The following MYO1D variants were observed in gnomAD, a reference collection of about 807,000 sequenced individuals.
MYO1D encodes the protein unconventional myosin-Id.
MYO1D carries 83 observed loss-of-function variants against 122.0 expected under a neutral mutation model. That is an observed-to-expected ratio of 0.68 (90% CI 0.57 to 0.82). MYO1D has a LOEUF of 0.82. Ranked by LOEUF, MYO1D falls within the 40% of genes least tolerant of loss-of-function variation. MYO1D has a pLI of 0.00. For missense variants in MYO1D, 1,157 were observed against 1,269.5 expected (o/e 0.91, Z 1.35); for synonymous variants, 464 against 446.9 (o/e 1.04, Z -0.48).
At chr17:32,803,629 A>G (rs2090479648) in intron 1 of MYO1D, among the ~76,000 whole-genome samples, 1 of 152,220 alleles carries the variant, frequency 6.6e-6, no homozygotes, top group Admixed American at 6.5e-5. Flanking sequence ...ATTTCTGGTC[A>G]TGACTAATCT....
At position 32,780,739 on chromosome 17, in the gene MYO1D, A is replaced by G. The variant is rs2090228019; in HGVS notation, c.141T>C (p.Val47=). 2 of 1,614,070 alleles carry G rather than the reference A, an allele frequency of 1.2e-6. No homozygotes were observed. Among genetic ancestry groups the G allele is most frequent in the Non-Finnish European group, 1.7e-6 (2 of 1,180,030 alleles). ...TCAACAACTTGTAAGGGTTCACAGAAACGACGACTTCTCCAATGAACGTAT... is the reference window on the plus strand; with the variant it reads ...TCAACAACTTGTAAGGGTTCACAGAGACGACGACTTCTCCAATGAACGTAT... The part of the protein sequence containing the change: ...RIYTFIGEVV[V]SVNPYKLLNI... Residue 47 remains valine, a synonymous_variant, in exon 2 of 22, where the codon GTT becomes GTC. Coordinates refer to ENST00000318217, the MANE Select transcript of MYO1D (RefSeq NM_015194.3).
chr17:32,740,414 A>T (rs965416743), intron 13 of MYO1D, among the ~76,000 whole-genome samples: 2 of 152,230 alleles, frequency 1.3e-5, no homozygotes, highest in South Asian at 4.1e-4. Context: ...TTGATACAAA[A>T]TGAATCCAAA....
In MYO1D at chr17:32,804,240, T is replaced by C. The variant is rs187179992; in HGVS notation, c.96-23456A>G. Among the ~76,000 whole-genome samples the C allele has an allele frequency of 2.8e-3, 421 of 152,270 alleles. 4 individuals carry two copies. The highest frequency in any genetic ancestry group is 8.8e-3 in the African/African-American group (364 of 41,544). On this transcript the variant is annotated intron_variant, in intron 1 of 21. Coordinates refer to ENST00000318217, the MANE Select transcript of MYO1D (RefSeq NM_015194.3). ...GTTGTTATACTATATTTTGGGGGAATGATGACCCAAAAAAGTCTGTACATG... is the reference window on the plus strand; with the variant it reads ...GTTGTTATACTATATTTTGGGGGAACGATGACCCAAAAAAGTCTGTACATG...
At chr17:32,641,019 T>C (rs868829434) in intron 19 of MYO1D, among the ~76,000 whole-genome samples, 22 of 152,020 alleles carry the variant, frequency 1.4e-4, no homozygotes, top group African/African-American at 5.1e-4. Context: ...ACCTGCCATG[T>C]TGGTGTGCTG....
intron 15 of MYO1D, among the ~76,000 whole-genome samples, chr17:32,719,512 G>A (rs1375157438): frequency 4.6e-5 from 7 of 151,800 alleles, no homozygotes; most frequent in Admixed American, 1.3e-4. Flanking sequence ...CACCACGCCC[G>A]GCTAATTTTT....
intron 20 of MYO1D, among the ~76,000 whole-genome samples, chr17:32,614,072 ATTT>A (rs527897976): frequency 7.6e-4 from 96 of 126,594 alleles, no homozygotes; most frequent in Middle Eastern, 4.1e-3. Context: ...TAATGTTTTA[ATTT>A]TTTTTTTTTT....
At position 32,514,235 on chromosome 17, in the gene MYO1D, G is replaced by C. The variant is rs369837134; in HGVS notation, c.2865-19320C>G. Among the ~76,000 whole-genome samples, 80 of 67,902 alleles carry C rather than the reference G, an allele frequency of 1.2e-3. 1 individual carries two copies. The highest frequency in any genetic ancestry group is 0.02 in the Middle Eastern group (1 of 50). The allele number at this position is 67,902 out of a possible 152,430, so 44.5% of individuals were successfully genotyped here. A position where few individuals can be genotyped will look rare whatever the true frequency, so the allele number is the denominator to read the frequency against. On this transcript the variant is annotated intron_variant, in intron 21 of 21. Coordinates refer to ENST00000318217, the MANE Select transcript of MYO1D (RefSeq NM_015194.3). ...AGCCTGGGCGACAGAGCAAGACTTT[G>C]TCTCAAAAAAAAAAAAAAAAAAAAA...
At chr17:32,642,423 T>C (rs1433855641) in intron 19 of MYO1D, among the ~76,000 whole-genome samples, 1 of 152,236 alleles carries the variant, frequency 6.6e-6, no homozygotes, top group Non-Finnish European at 1.5e-5. Context: ...GGCTCTTTTT[T>C]GGTTCCATAT....
intron 1 of MYO1D, among the ~76,000 whole-genome samples, chr17:32,870,729 A>C (rs1365271371): frequency 6.6e-6 from 1 of 152,136 alleles, no homozygotes; most frequent in Non-Finnish European, 1.5e-5. Flanking sequence ...CTGTAGCATC[A>C]CAGAAAACGC....
chr17:32,671,117 T>A (rs1169540807), intron 16 of MYO1D, among the ~76,000 whole-genome samples: 1 of 152,240 alleles, frequency 6.6e-6, no homozygotes, highest in African/African-American at 2.4e-5. Flanking sequence ...GGGCTGCAGA[T>A]GGCAGAGCTA....
Position 32,721,015 on chromosome 17 carries a change from A to T in MYO1D, c.1913+8T>A, listed in dbSNP as rs754247916. The T allele has an allele frequency of 2.6e-5, 42 of 1,613,288 alleles. No individual in the cohort carries two copies. The Middle Eastern group carries it at 1.2e-3, about 44-fold the overall frequency. ...TGAACTAGGCCTCTCTGACGAGTCT[A>T]TTCTCACCTGTGAAGAAACTTCTCG... On this transcript the variant is annotated splice_region_variant and intron_variant, in intron 15 of 21. Transcript: ENST00000318217.
intron 21 of MYO1D, among the ~76,000 whole-genome samples, chr17:32,572,570 T>C (rs1421222906): frequency 6.6e-6 from 1 of 152,114 alleles, no homozygotes; most frequent in Non-Finnish European, 1.5e-5. Context: ...GCCAGAGTGA[T>C]TTTTCAGAAA....
chr17:32,594,892 TCCTTGTCAGCTCACTGACAAGGA>T (rs1305234974), intron 21 of MYO1D, among the ~76,000 whole-genome samples: 1 of 152,192 alleles, frequency 6.6e-6, no homozygotes, highest in Admixed American at 6.5e-5. Flanking sequence ...ACATCCTGCT[TCCTTGTCAGCTCACTGACAAGGA>T]GAGTCTGAAA....
rs2089383345 is a variant in MYO1D at position 32,712,030 on chromosome 17, GAGTTCT to G, written c.2073_2078del (p.Glu691_Leu693delinsAsp). On this transcript the variant is annotated inframe_deletion, in exon 16 of 22. Coordinates refer to ENST00000318217, the MANE Select transcript of MYO1D (RefSeq NM_015194.3). ...CAATCCTTATGAGCATCTGGGCACGGAGTTCTTCCAAGGTAAACAATGTTCGGGGTG... is the reference window on the plus strand; with the variant it reads ...CAATCCTTATGAGCATCTGGGCACGGTCCAAGGTAAACAATGTTCGGGGTG... The G allele has an allele frequency of 6.2e-7, 1 of 1,614,092 alleles. No individual in the cohort carries two copies. Among genetic ancestry groups the G allele is most frequent in the Non-Finnish European group, 8.5e-7 (1 of 1,180,014 alleles).
At chr17:32,794,211 G>C (rs2090389529) in intron 1 of MYO1D, 1 of 152,148 alleles carries the variant, frequency 6.6e-6, no homozygotes, top group African/African-American at 2.4e-5. Context: ...ATAAGAACTA[G>C]TTAGGACCAC....
intron 8 of MYO1D, among the ~76,000 whole-genome samples, chr17:32,760,874 G>A (rs1311931898): frequency 1.3e-5 from 2 of 152,056 alleles, no homozygotes; most frequent in Admixed American, 6.6e-5. Context: ...CAATTCCAAC[G>A]ACACTCTCCA....
intron 21 of MYO1D, among the ~76,000 whole-genome samples, chr17:32,560,556 T>TATATATATATATATATACATAC (rs1567890304): frequency 8.8e-6 from 1 of 114,130 alleles, no homozygotes; most frequent in Non-Finnish European, 1.9e-5. Context: ...TATATATATA[T>TATATATATATATATATACATAC]ATATATATAT....
chr17:32,866,421 A>G (rs997698307), intron 1 of MYO1D, among the ~76,000 whole-genome samples: 2 of 152,156 alleles, frequency 1.3e-5, no homozygotes, highest in Non-Finnish European at 2.9e-5. Context: ...CTAACCTTAT[A>G]CTACCTGCTG....
chr17:32,817,392 G>T (rs1372528140), intron 1 of MYO1D, among the ~76,000 whole-genome samples: 1 of 152,144 alleles, frequency 6.6e-6, no homozygotes, highest in Non-Finnish European at 1.5e-5. Flanking sequence ...CTTGGAACAA[G>T]AACATATTTG....
Sources: allele counts gnomAD v4.1 joint callset (sites outside exome capture counted in the v4.1 genomes callset), GRCh38; gene constraint gnomAD v4.1.1; transcripts MANE v1.5; gene names NCBI Gene and HGNC (gene_info 2026-07-23, HGNC 2026-07-21).